Variants in NRXN2 observed in about 807,000 individuals in gnomAD.
The protein encoded by NRXN2 is neurexin 2.
In NRXN2, 29 loss-of-function variants were observed where a neutral mutation model predicts 128.8. That is an observed-to-expected ratio of 0.23 (90% CI 0.17 to 0.31). The LOEUF is 0.31. NRXN2 is among the 10% of genes least tolerant of loss of function. The pLI, the probability that NRXN2 is intolerant of heterozygous loss-of-function variation, is 1.00. For missense variants in NRXN2, 1,881 were observed against 2,452.6 expected, an observed-to-expected ratio of 0.77 and a Z score of 4.92; for synonymous variants, 1,098 against 1,075.2, an observed-to-expected ratio of 1.02 and a Z score of -0.41.
At chr11:64,665,593 GA>G in intron 9 of NRXN2, among the ~76,000 whole-genome samples, 1 of 152,296 alleles carries the variant, frequency 6.6e-6, no homozygotes, top group East Asian at 1.9e-4. Context: ...AAGCCCGGGG[GA>G]GGCAACACTT....
rs762146708 is a variant in NRXN2 at position 64,630,578 on chromosome 11, G to A, written c.3586-5C>T. ...CACCCCCACGGTGCCCTGGTCCTGG[G>A]GACATGGAGGTGGAGGTCAGCGACC... is the stretch of plus-strand genomic sequence containing the variant. On this transcript the variant is annotated splice_polypyrimidine_tract_variant and splice_region_variant and intron_variant, in intron 18 of 22. Transcript: ENST00000265459. This position sits in a 1 kb window ranked among gnomAD's most constrained non-coding sequence, Gnocchi z 4.6. 3 of 1,613,782 alleles carry A rather than the reference G, an allele frequency of 1.9e-6. 1 individual carries two copies. In the South Asian group the frequency reaches 3.3e-5, roughly 18 times the overall value.
In NRXN2 at chr11:64,723,136, G is replaced by C. The variant is rs956721904; in HGVS notation, c.-410C>G. 1 of 76,768 alleles carries C rather than the reference G, an allele frequency of 1.3e-5. No homozygotes were observed. Among genetic ancestry groups the C allele is most frequent in the African/African-American group, 5.3e-5 (1 of 18,954 alleles). 4.8% of individuals were successfully genotyped at this position (76,768 alleles called of 1,614,324 possible). A position where few individuals can be genotyped will look rare whatever the true frequency, so the allele number is the denominator to read the frequency against. ...GCCCGCCCCGCCGCGGTGCCTCTCCGAGGAGGATGCTCCGCGAGTCAGGGC... is the reference window on the plus strand; with the variant it reads ...GCCCGCCCCGCCGCGGTGCCTCTCCCAGGAGGATGCTCCGCGAGTCAGGGC... On this transcript the variant is annotated 5_prime_UTR_variant, in exon 1 of 23. Coordinates refer to ENST00000265459, the MANE Select transcript of NRXN2 (RefSeq NM_015080.4).
intron 7 of NRXN2, among the ~76,000 whole-genome samples, chr11:64,672,745 A>G (rs928533733): frequency 6.6e-6 from 1 of 152,156 alleles, no homozygotes. Context: ...CAGGCTGAGT[A>G]AGGTACTGCA....
At chr11:64,636,734 C>A (rs1043158570) in intron 17 of NRXN2, among the ~76,000 whole-genome samples, 19 of 152,072 alleles carry the variant, frequency 1.2e-4, no homozygotes, top group African/African-American at 4.6e-4. Context: ...GAACTAGGAG[C>A]CTGCAGTGGG....
intron 19 of NRXN2, among the ~76,000 whole-genome samples, chr11:64,628,125 A>T (rs1301355518): frequency 1.3e-5 from 2 of 152,246 alleles, no homozygotes; most frequent in African/African-American, 4.8e-5. Flanking sequence ...AGTATACAAA[A>T]ATTCTAATAA....
At chr11:64,657,499 T>G (rs2048429495) in intron 11 of NRXN2, among the ~76,000 whole-genome samples, 1 of 152,204 alleles carries the variant, frequency 6.6e-6, no homozygotes, top group Non-Finnish European at 1.5e-5. Context: ...GTCTTGCATC[T>G]ACACAATGGT....
At chr11:64,697,179 G>A (rs2054665362) in intron 3 of NRXN2, among the ~76,000 whole-genome samples, 1 of 152,098 alleles carries the variant, frequency 6.6e-6, no homozygotes, top group South Asian at 2.1e-4. Flanking sequence ...CTAGCAACCT[G>A]TGGGGCAGCA....
rs1377530285 is a variant in NRXN2, at chr11:64,607,709, C to T, written c.4626G>A (p.Gly1542=). 1 of 1,550,684 alleles carries T rather than the reference C, an allele frequency of 6.4e-7. No homozygotes were observed. The highest frequency in any genetic ancestry group is 1.4e-5 in the African/African-American group (1 of 73,258). Residue 1542 remains glycine (G), a synonymous_variant, in exon 23 of 23, where the codon GGG becomes GGA. Coordinates refer to ENST00000265459, the MANE Select transcript of NRXN2 (RefSeq NM_015080.4). ...PAPRPNLRTD[G]ATGAPGVLFA... ...ACAGCACCCCAGGGGCGCCCGTGGC[C>T]CCATCTGTCCTGAGGTTGGGCCGGG...
chr11:64,650,813 C>G (rs1425935710), intron 14 of NRXN2, among the ~76,000 whole-genome samples, 175 bp from the exon 15 acceptor site: 1 of 152,058 alleles, frequency 6.6e-6, no homozygotes, highest in Non-Finnish European at 1.5e-5. Context: ...GTGTGAGGTC[C>G]TGTCACGGGG....
chr11:64,613,680 G>C (rs552492343), intron 22 of NRXN2, among the ~76,000 whole-genome samples: 5 of 152,262 alleles, frequency 3.3e-5, no homozygotes, highest in Non-Finnish European at 5.9e-5. Flanking sequence ...GGGTGCACCT[G>C]AGTGAGAAAC....
chr11:64,683,323 C>T (rs1207179), intron 6 of NRXN2, among the ~76,000 whole-genome samples: 49,832 of 151,978 alleles, frequency 0.33, 10,523 homozygotes, highest in African/African-American at 0.6. Flanking sequence ...CCAGACACTA[C>T]AGAAACTTGA....
chr11:64,629,155 T>C (rs2043502861), intron 19 of NRXN2, among the ~76,000 whole-genome samples: 1 of 152,202 alleles, frequency 6.6e-6, no homozygotes, highest in African/African-American at 2.4e-5. Flanking sequence ...GCAGTCAGCA[T>C]GGGGCAGCTT....
At chr11:64,718,120 C>A (rs1052756452) in intron 1 of NRXN2, among the ~76,000 whole-genome samples, 6 of 152,202 alleles carry the variant, frequency 3.9e-5, no homozygotes, top group Non-Finnish European at 8.8e-5. Context: ...CCAGACATTT[C>A]CCCTTGCACT....
intron 2 of NRXN2, among the ~76,000 whole-genome samples, chr11:64,699,897 A>G (rs1163143677): frequency 3.3e-5 from 5 of 152,232 alleles, no homozygotes; most frequent in Non-Finnish European, 7.3e-5. Context: ...ATAAGGAGGC[A>G]TGGTGATTTC....
chr11:64,607,592 C>A lies in NRXN2; in HGVS notation c.4743G>T (p.Gly1581=). 3 of 1,534,512 alleles carry A rather than the reference C, an allele frequency of 2.0e-6. No individual in the cohort carries two copies. The highest frequency in any genetic ancestry group is 2.4e-5 in the South Asian group (2 of 84,460). The change falls in exon 23 of 23, where the codon GGG becomes GGT. Residue 1581 remains glycine (G), a synonymous_variant. Transcript: ENST00000265459. ...LQPLLENPPL[G]PGAPTSFEPR... is the part of the protein sequence containing the mutation. Reference sequence around the variant, plus strand: ...GCTCAAAGGACGTGGGGGCCCCGGGCCCCAAGGGCGGGTTCTCCAGCAAGG... The same window carrying A: ...GCTCAAAGGACGTGGGGGCCCCGGGACCCAAGGGCGGGTTCTCCAGCAAGG...
At chr11:64,672,572 G>A (rs2050773657) in intron 7 of NRXN2, among the ~76,000 whole-genome samples, 1 of 152,000 alleles carries the variant, frequency 6.6e-6, no homozygotes, top group South Asian at 2.1e-4. Flanking sequence ...CTGCCTCCGT[G>A]GGTTTTTTTC....
chr11:64,621,525 A>G (rs1327506293), intron 21 of NRXN2, among the ~76,000 whole-genome samples: 3 of 152,120 alleles, frequency 2.0e-5, no homozygotes, highest in Non-Finnish European at 4.4e-5. Context: ...GGATGGCCCC[A>G]GCTAGCCTAG....
rs1451377746 is a variant in NRXN2, at chr11:64,622,656, G to A, written c.4173+97C>T. 15 of 1,502,164 alleles carry A rather than the reference G, an allele frequency of 1.0e-5. No individual in the cohort carries two copies. The highest frequency in any genetic ancestry group is 1.3e-5 in the Non-Finnish European group (14 of 1,113,322). The allele number at this position is 1,502,164 out of a possible 1,614,324, so 93.1% of individuals were successfully genotyped here. Reference sequence around the variant, plus strand: ...CCTTCAGGATCCCAACAGACCCCTTGGACCCTCACTCTAGGCACCACTACT... The same window carrying A: ...CCTTCAGGATCCCAACAGACCCCTTAGACCCTCACTCTAGGCACCACTACT... On this transcript the variant is annotated intron_variant, in intron 21 of 22. Coordinates refer to ENST00000265459, the MANE Select transcript of NRXN2 (RefSeq NM_015080.4). The surrounding 1 kb of genome is among the most constrained non-coding windows in gnomAD (Gnocchi z 4.3).
intron 3 of NRXN2, among the ~76,000 whole-genome samples, chr11:64,694,189 G>GC (rs2054194088): frequency 1.3e-5 from 2 of 152,118 alleles, no homozygotes; most frequent in African/African-American, 2.4e-5. Context: ...AAACCTCAGA[G>GC]CCCCCCCAGC....
Sources: gnomAD v4.1 joint callset for allele counts (sites outside exome capture counted in the v4.1 genomes callset) on GRCh38, gnomAD v4.1.1 for gene constraint, Gnocchi (gnomAD v3.1) non-coding constraint, MANE v1.5 for transcripts, NCBI Gene and HGNC (gene_info 2026-07-23, HGNC 2026-07-21) for gene names.